The following SRCAP variants were observed in gnomAD, a reference collection of about 807,000 sequenced individuals.
SRCAP encodes Snf2 related CREBBP activator protein.
SRCAP carries 46 observed loss-of-function variants against 263.1 expected under a neutral mutation model. That is an observed-to-expected ratio of 0.17 (90% CI 0.14 to 0.22). The LOEUF (loss-of-function observed/expected upper bound fraction) is 0.22, where lower values mean the gene tolerates loss of function less well. Ranked by LOEUF, SRCAP falls within the 10% of genes least tolerant of loss-of-function variation. The pLI is 1.00. For synonymous variants in SRCAP, 1,813 were observed against 1,662.1 expected, an observed-to-expected ratio of 1.09 and a Z score of -2.21; for missense variants, 3,695 against 4,181.9, an observed-to-expected ratio of 0.88 and a Z score of 3.21.
intron 31 of SRCAP, 114 bp downstream of exon 31, chr16:30,734,729 A>G: frequency 6.8e-7 from 1 of 1,478,648 alleles, no homozygotes; most frequent in Non-Finnish European, 9.2e-7. Context: ...TGCTTCCCAG[A>G]TTACAGTCAG....
Position 30,724,136 on chromosome 16 carries a change from C to G in SRCAP, c.4712C>G (p.Ser1571Cys). ...CCAAATCCAGCTCCAGCTCAGGCTT[C>G]CCTTCTGGCTCCAGCATCTTCTGCA... ...SAPNPAPAQA[S>C]LLAPASSASQ... Residue 1571 changes from serine to cysteine, a missense_variant, in exon 25 of 34, where the codon TCC (serine) becomes TGC (cysteine). By Grantham distance (112) the Ser-to-Cys change is moderately radical. Coordinates refer to ENST00000262518, the MANE Select transcript of SRCAP (RefSeq NM_006662.3). 6.2e-7 allele frequency: 1 copy of G among 1,614,070 alleles called. No individual in the cohort carries two copies. The highest frequency in any genetic ancestry group is 1.3e-5 in the African/African-American group (1 of 75,022).
rs779684001 is a variant in SRCAP, at chr16:30,711,821, G to A, written c.1493-14G>A. 2 of 1,613,456 alleles carry A rather than the reference G, an allele frequency of 1.2e-6. No homozygotes were observed. Among genetic ancestry groups the A allele is most frequent in the African/African-American group, 2.7e-5 (2 of 74,962 alleles). On this transcript the variant is annotated splice_polypyrimidine_tract_variant and intron_variant, in intron 11 of 33. Transcript: ENST00000262518. ...CAGGTATGATGAGCAGTAAGCCTTG[G>A]TCTTACCCTTTAGACTCTGTGGAGG...
Position 30,707,335 on chromosome 16 carries a change from G to A in SRCAP, c.459G>A (p.Gln153=). 1 of 1,614,210 alleles carries A rather than the reference G, an allele frequency of 6.2e-7. No homozygotes were observed. The highest frequency in any genetic ancestry group is 8.5e-7 in the Non-Finnish European group (1 of 1,180,042). ...EMQWLSADFA[Q]ERRWKRGVAR... ...AGTGGCTCTCTGCTGACTTTGCTCA[G>A]GAGCGCCGTTGGAAACGGGGTGTGG... The change falls in exon 5 of 34, where the codon CAG becomes CAA. Residue 153 remains glutamine (Q), a synonymous_variant. Transcript: ENST00000262518.
chr16:30,723,612 C>T lies in SRCAP; in HGVS notation c.4188C>T (p.Thr1396=). The T allele has an allele frequency of 1.2e-6, 2 of 1,613,414 alleles. No individual in the cohort carries two copies. The highest frequency in any genetic ancestry group is 1.7e-6 in the Non-Finnish European group (2 of 1,179,698). Residue 1396 remains threonine, a synonymous_variant, in exon 25 of 34, where the codon ACC becomes ACT. Transcript: ENST00000262518. Reference sequence around the variant, plus strand: ...CAGCCCCCGGAGCTGCCCCCTTGACCATCTCTTCTCCTCTCCACGTGCCAT... The same window carrying T: ...CAGCCCCCGGAGCTGCCCCCTTGACTATCTCTTCTCCTCTCCACGTGCCAT... ...SASAPGAAPL[T]ISSPLHVPSS... is the part of the protein sequence containing the mutation.
chr16:30,728,014 G>A (rs1187686836), intron 25 of SRCAP, among the ~76,000 whole-genome samples: 1 of 152,182 alleles, frequency 6.6e-6, no homozygotes, highest in African/African-American at 2.4e-5. Context: ...TTGGGAGCTA[G>A]CCTCAAAAGG....
chr16:30,739,835 C>G lies in SRCAP; in HGVS notation c.*102C>G. On this transcript the variant is annotated 3_prime_UTR_variant, in exon 34 of 34. Coordinates refer to ENST00000262518, the MANE Select transcript of SRCAP (RefSeq NM_006662.3). ...TTGAAGTCTTGAGGGGGAAAGCCTC[C>G]AGGGAGACATAGGGGCCTTCTCCCT... 7.1e-7 allele frequency: 1 copy of G among 1,415,452 alleles called. No homozygotes were observed. The highest frequency in any genetic ancestry group is 9.2e-7 in the Non-Finnish European group (1 of 1,081,528). The allele number at this position is 1,415,452 out of a possible 1,614,324, so 87.7% of individuals were successfully genotyped here.
intron 31 of SRCAP, among the ~76,000 whole-genome samples, chr16:30,735,180 T>G (rs2053148670): frequency 7.4e-6 from 1 of 135,890 alleles, no homozygotes; most frequent in Non-Finnish European, 1.5e-5. Context: ...GGAGTCTCGC[T>G]CTGTCGCCCA....
chr16:30,716,552 G>C, intron 18 of SRCAP, 73 bp downstream of exon 18: 1 of 1,423,896 alleles, frequency 7.0e-7, no homozygotes, highest in African/African-American at 1.4e-5. Context: ...CTTTTCGTTA[G>C]ACTGGGGTCT....
intron 7 of SRCAP, 33 bp downstream of exon 7, chr16:30,709,768 T>G: frequency 6.2e-7 from 1 of 1,613,944 alleles, no homozygotes. Context: ...TTACTCTTCC[T>G]CATGTACCCT....
chr16:30,703,932 G>C (rs2052796961), intron 3 of SRCAP, 132 bp from the exon 4 acceptor site: 1 of 1,101,472 alleles, frequency 9.1e-7, no homozygotes, highest in Admixed American at 3.0e-5. Context: ...CCGAACGTTT[G>C]TGTTTATGAA....
chr16:30,727,734 A>T (rs2053076770), intron 25 of SRCAP, among the ~76,000 whole-genome samples: 1 of 152,072 alleles, frequency 6.6e-6, no homozygotes, highest in Non-Finnish European at 1.5e-5. Context: ...TTGTAATTTT[A>T]GTAGAGATAG....
At chr16:30,715,928 C>A in intron 16 of SRCAP, 138 bp from the exon 17 acceptor site, 1 of 1,085,606 alleles carries the variant, frequency 9.2e-7, no homozygotes, top group Non-Finnish European at 1.3e-6. Context: ...CCCTTGAGGG[C>A]TTGCAGTTGA....
intron 16 of SRCAP, 146 bp from the exon 17 acceptor site, chr16:30,715,920 C>G: frequency 9.8e-7 from 1 of 1,019,846 alleles, no homozygotes; most frequent in Non-Finnish European, 1.4e-6. Context: ...CAGCAGATCC[C>G]TTGAGGGCTT....
chr16:30,739,124 C>G lies in SRCAP; in HGVS notation c.9084C>G (p.Asp3028Glu). 1 of 1,614,230 alleles carries G rather than the reference C, an allele frequency of 6.2e-7. No homozygotes were observed. The highest frequency in any genetic ancestry group is 8.5e-7 in the Non-Finnish European group (1 of 1,180,034). The change falls in exon 34 of 34, where the codon GAC becomes GAG. Residue 3028 changes from aspartate to glutamate, a missense_variant. This residue lies in a region of SRCAP where 1,207 missense variants were observed against 1,142.9 expected (regional missense o/e 1.06). Coordinates refer to ENST00000262518, the MANE Select transcript of SRCAP (RefSeq NM_006662.3). ...RPSQLPVLDR[D>E]STSVLESCGL... The stretch of plus-strand genomic sequence containing the variant: ...GCCAGCTCCCCGTCTTGGACCGTGA[C>G]AGCACTTCTGTTCTCGAGAGCTGTG...
chr16:30,709,222 G>T (rs995002113), intron 6 of SRCAP, among the ~76,000 whole-genome samples: 2 of 151,742 alleles, frequency 1.3e-5, no homozygotes, highest in African/African-American at 4.8e-5. Context: ...TTGAGCCCAG[G>T]AGTTTGACAC....
intron 8 of SRCAP, 73 bp downstream of exon 8, chr16:30,710,201 C>A: frequency 1.3e-6 from 2 of 1,499,016 alleles, no homozygotes; most frequent in Non-Finnish European, 9.0e-7. Context: ...GAGTTCCGGG[C>A]TGTGAGGTTG....
chr16:30,721,338 C>T lies in SRCAP; in HGVS notation c.3403C>T (p.Pro1135Ser), dbSNP rs1287554978. Residue 1135 changes from proline to serine, a missense_variant, in exon 21 of 34, where the codon CCA (proline) becomes TCA (serine). This residue lies in a region of SRCAP where 1,347 missense variants were observed against 1,304.4 expected (regional missense o/e 1.03). Transcript: ENST00000262518. ...CCTGTTGAAGCCCCTGACAGTGCCA[C>T]CAGGCTACACCTTCCCTCCTGCTGC... ...SSLLKPLTVP[P>S]GYTFPPAAAT... 9 of 1,614,068 alleles carry T rather than the reference C, an allele frequency of 5.6e-6. No homozygotes were observed. The highest frequency in any genetic ancestry group is 5.3e-5 in the African/African-American group (4 of 74,932).
rs751937072 is a variant in SRCAP at position 30,724,449 on chromosome 16, G to A, written c.5025G>A (p.Pro1675=). The change falls in exon 25 of 34, where the codon CCG becomes CCA. Residue 1675 remains proline (P), a synonymous_variant. Transcript: ENST00000262518. ...CGGTTCCGTCACCTCTCCCGAGCCC[G>A]GCTTCTACGCAGACACTGGCCCTAG... The part of the protein sequence containing the change: ...PAPVPSPLPS[P]ASTQTLALAP... The A allele has an allele frequency of 8.1e-6, 13 of 1,614,046 alleles. No individual in the cohort carries two copies. In the Admixed American group the frequency reaches 1.3e-4, roughly 17 times the overall value.
chr16:30,721,229 G>A lies in SRCAP; in HGVS notation c.3294G>A (p.Arg1098=). 6.2e-7 allele frequency: 1 copy of A among 1,613,604 alleles called. No individual in the cohort carries two copies. Among genetic ancestry groups the A allele is most frequent in the Non-Finnish European group, 8.5e-7 (1 of 1,179,790 alleles). Residue 1098 remains arginine (R), a synonymous_variant, in exon 21 of 34, where the codon CGG becomes CGA. Transcript: ENST00000262518. Reference sequence around the variant, plus strand: ...TGGGGGTCCTGAGTGGGACCTCACGGCCTCCCACGCCAACCTTGTCCCTAA... The same window carrying A: ...TGGGGGTCCTGAGTGGGACCTCACGACCTCCCACGCCAACCTTGTCCCTAA... ...SPLGVLSGTS[R]PPTPTLSLKP... is the part of the protein sequence containing the mutation.
Sources: gnomAD v4.1 joint callset for allele counts (sites outside exome capture counted in the v4.1 genomes callset) on GRCh38, gnomAD v4.1.1 for gene constraint, gnomAD v4.1.1 regional missense constraint, MANE v1.5 for transcripts, NCBI Gene and HGNC (gene_info 2026-07-23, HGNC 2026-07-21) for gene names.